GLRB: variants seen among roughly 807,000 people sequenced by gnomAD.
The protein encoded by GLRB is glycine receptor subunit beta.
A neutral mutation model predicts 54.2 loss-of-function variants in GLRB; 33 were observed. That is an observed-to-expected ratio of 0.61 (90% confidence interval 0.46 to 0.81). GLRB has a LOEUF of 0.81. Ranked by LOEUF, GLRB falls within the 40% of genes least tolerant of loss-of-function variation. The pLI, the probability that GLRB is intolerant of heterozygous loss-of-function variation, is 0.00. For synonymous variants in GLRB, 209 were observed against 208.2 expected, an observed-to-expected ratio of 1.00 and a Z score of -0.03; for missense variants, 572 against 584.6, an observed-to-expected ratio of 0.98 and a Z score of 0.22.
chr4:157,126,224 T>G (rs1306231841), intron 4 of GLRB, among the ~76,000 whole-genome samples: 1 of 151,922 alleles, frequency 6.6e-6, no homozygotes, highest in African/African-American at 2.4e-5. Context: ...TGTTTTTGCT[T>G]TTTTTCTCTA....
chr4:157,137,679 C>T (rs1736455056), intron 6 of GLRB, among the ~76,000 whole-genome samples: 1 of 152,008 alleles, frequency 6.6e-6, no homozygotes, highest in South Asian at 2.1e-4. Flanking sequence ...TAAATTTGAG[C>T]AGTATTTATT....
chr4:157,091,824 A>G (rs992806234), intron 2 of GLRB, among the ~76,000 whole-genome samples: 2 of 152,022 alleles, frequency 1.3e-5, no homozygotes, highest in Non-Finnish European at 2.9e-5. Context: ...TCGTGACACT[A>G]TTCTGTTGTC....
At chr4:157,144,981 T>C (rs902474478) in intron 8 of GLRB, among the ~76,000 whole-genome samples, 1 of 152,208 alleles carries the variant, frequency 6.6e-6, no homozygotes, top group Non-Finnish European at 1.5e-5. Flanking sequence ...AAAAACTATG[T>C]ATTATTACAT....
intron 9 of GLRB, among the ~76,000 whole-genome samples, chr4:157,155,726 G>A (rs181619015): frequency 6.6e-6 from 1 of 152,076 alleles, no homozygotes; most frequent in Non-Finnish European, 1.5e-5. Context: ...TGGTCTTTTG[G>A]TCGAGTAGTG....
chr4:157,138,194 C>T (rs1385396507), intron 6 of GLRB, among the ~76,000 whole-genome samples: 1 of 152,130 alleles, frequency 6.6e-6, no homozygotes, highest in East Asian at 1.9e-4. Context: ...GCCTCAGCCT[C>T]CTGAGTAGCT....
chr4:157,118,929 T>G (rs1735703483), intron 2 of GLRB, among the ~76,000 whole-genome samples: 1 of 151,284 alleles, frequency 6.6e-6, no homozygotes, highest in Admixed American at 6.6e-5. Flanking sequence ...GTCATGGATT[T>G]TGTGTGTGTG....
chr4:157,132,719 A>C (rs1036172940), intron 4 of GLRB, among the ~76,000 whole-genome samples: 6 of 151,934 alleles, frequency 3.9e-5, no homozygotes, highest in Non-Finnish European at 7.4e-5. Context: ...GAACATGGGA[A>C]GTCTTTATTA....
At chr4:157,086,282 T>A (rs1178595138) in intron 2 of GLRB, among the ~76,000 whole-genome samples, 1 of 152,226 alleles carries the variant, frequency 6.6e-6, no homozygotes, top group Non-Finnish European at 1.5e-5. Flanking sequence ...AGATATTACT[T>A]TGCTTTATAA....
intron 2 of GLRB, among the ~76,000 whole-genome samples, chr4:157,093,419 A>C (rs1238204349): frequency 6.6e-6 from 1 of 152,182 alleles, no homozygotes; most frequent in Non-Finnish European, 1.5e-5. Flanking sequence ...GATCACAAAC[A>C]CTTGGCTAAA....
At chr4:157,167,306 A>G (rs1315317101) in intron 9 of GLRB, among the ~76,000 whole-genome samples, 1 of 152,206 alleles carries the variant, frequency 6.6e-6, no homozygotes, top group Non-Finnish European at 1.5e-5. Context: ...CTCCACTTCT[A>G]TTCCAATCAA....
At chr4:157,157,504 C>T (rs1028712625) in intron 9 of GLRB, among the ~76,000 whole-genome samples, 4 of 152,062 alleles carry the variant, frequency 2.6e-5, no homozygotes, top group Non-Finnish European at 5.9e-5. Flanking sequence ...CCCCACCCCA[C>T]GACAGGCCCT....
At chr4:157,086,546 G>A (rs1734419455) in intron 2 of GLRB, among the ~76,000 whole-genome samples, 1 of 152,174 alleles carries the variant, frequency 6.6e-6, no homozygotes, top group Non-Finnish European at 1.5e-5. Context: ...AAAGTCTGTT[G>A]TGTTGTTCGA....
chr4:157,121,770 C>T (rs750283198), intron 3 of GLRB, among the ~76,000 whole-genome samples: 3 of 151,440 alleles, frequency 2.0e-5, no homozygotes, highest in African/African-American at 7.3e-5. Flanking sequence ...GTTCTCACTC[C>T]GTGAACTTTC....
intron 7 of GLRB, 21 bp downstream of exon 7, chr4:157,138,970 AAAAC>A: frequency 1.6e-6 from 2 of 1,244,986 alleles, no homozygotes; most frequent in South Asian, 1.2e-5. Flanking sequence ...TTCTTTAAAT[AAAAC>A]GAAGTTCTAT....
At chr4:157,084,702 T>A (rs1734344761) in intron 2 of GLRB, 1 of 456,120 alleles carries the variant, frequency 2.2e-6, no homozygotes, top group Admixed American at 2.3e-5. Context: ...TTTTCATACT[T>A]CAGTCTGTAT....
At chr4:157,093,417 A>G (rs1368152498) in intron 2 of GLRB, among the ~76,000 whole-genome samples, 1 of 152,164 alleles carries the variant, frequency 6.6e-6, no homozygotes. Flanking sequence ...AAGATCACAA[A>G]CACTTGGCTA....
intron 1 of GLRB, 37 bp from the exon 2 acceptor site, chr4:157,077,959 T>C: frequency 7.2e-7 from 1 of 1,385,544 alleles, no homozygotes. Flanking sequence ...TATCATTTTC[T>C]TCATAAATGT....
intron 2 of GLRB, among the ~76,000 whole-genome samples, chr4:157,099,103 C>T (rs1447804186): frequency 3.9e-5 from 6 of 151,984 alleles, no homozygotes; most frequent in Non-Finnish European, 7.4e-5. Flanking sequence ...AAAGAAGGGA[C>T]GTTTGGAAGG....
intron 2 of GLRB, among the ~76,000 whole-genome samples, chr4:157,111,405 C>T (rs1332268469): frequency 1.3e-5 from 2 of 151,948 alleles, no homozygotes; most frequent in African/African-American, 4.8e-5. Flanking sequence ...AGTCTCTCTG[C>T]TAGTATGTGC....
Sources: allele counts gnomAD v4.1 joint callset (sites outside exome capture counted in the v4.1 genomes callset), GRCh38; gene constraint gnomAD v4.1.1; transcripts MANE v1.5; gene names NCBI Gene and HGNC (gene_info 2026-07-23, HGNC 2026-07-21).